Variants in ENTPD1 observed in about 807,000 individuals in gnomAD.
The protein encoded by ENTPD1 is ectonucleoside triphosphate diphosphohydrolase 1.
ENTPD1 carries 33 observed loss-of-function variants against 57.0 expected under a neutral mutation model. That is an observed-to-expected ratio of 0.58 (90% CI 0.44 to 0.77). The LOEUF is 0.77. ENTPD1 is among the 30% of genes least tolerant of loss of function. The pLI is 0.00. For synonymous variants in ENTPD1, 202 were observed against 218.8 expected (o/e 0.92, Z 0.68); for missense variants, 501 against 603.4 (o/e 0.83, Z 1.78).
chr10:95,845,661 G>A, intron 6 of ENTPD1, 65 bp downstream of exon 6: 1 of 1,613,834 alleles, frequency 6.2e-7, no homozygotes, highest in East Asian at 2.2e-5. Context: ...ACATCCTGTT[G>A]TTTTCTGTTT....
intron 1 of ENTPD1, among the ~76,000 whole-genome samples, chr10:95,813,919 C>G (rs2098319582): frequency 1.3e-5 from 2 of 152,184 alleles, no homozygotes; most frequent in South Asian, 4.1e-4. Flanking sequence ...ACTAGAGATG[C>G]ATGGCCAATA....
At chr10:95,784,812 C>G (rs1415751862) in intron 1 of ENTPD1, among the ~76,000 whole-genome samples, 1 of 152,122 alleles carries the variant, frequency 6.6e-6, no homozygotes, top group African/African-American at 2.4e-5. Context: ...TACAAAGCTT[C>G]AAGTCTCTCA....
exon 1 of ENTPD1, chr10:95,711,939 GTTC>G (rs1453343077): frequency 1.9e-6 from 3 of 1,612,806 alleles, no homozygotes; most frequent in South Asian, 1.1e-5. Flanking sequence ...AAGCTGCTCT[GTTC>G]TTCTGGAAGC....
chr10:95,719,765 C>G (rs1307533709), intron 1 of ENTPD1, among the ~76,000 whole-genome samples: 1 of 152,190 alleles, frequency 6.6e-6, no homozygotes, highest in Non-Finnish European at 1.5e-5. Flanking sequence ...AAGTCTTGGG[C>G]TAATGCTTGG....
chr10:95,858,987 T>C (rs2098460547), intron 7 of ENTPD1, among the ~76,000 whole-genome samples: 1 of 152,148 alleles, frequency 6.6e-6, no homozygotes, highest in African/African-American at 2.4e-5. Context: ...TGTGTTTGTA[T>C]ATGATTATAG....
At chr10:95,792,974 G>T (rs1467857023) in intron 1 of ENTPD1, among the ~76,000 whole-genome samples, 2 of 152,158 alleles carry the variant, frequency 1.3e-5, no homozygotes, top group Non-Finnish European at 2.9e-5. Context: ...CCAGCATCTT[G>T]CCAGGGTGCT....
At chr10:95,782,166 T>G (rs922010138) in intron 1 of ENTPD1, among the ~76,000 whole-genome samples, 1 of 152,226 alleles carries the variant, frequency 6.6e-6, no homozygotes, top group African/African-American at 2.4e-5. Context: ...CCAGGCTCTG[T>G]GTTAAGTGCT....
At chr10:95,825,550 T>C (rs1293853850) in intron 2 of ENTPD1, among the ~76,000 whole-genome samples, 1 of 152,066 alleles carries the variant, frequency 6.6e-6, no homozygotes, top group Non-Finnish European at 1.5e-5. Flanking sequence ...TGTTTGTTTG[T>C]TTGTTTTTTG....
intron 1 of ENTPD1, among the ~76,000 whole-genome samples, chr10:95,773,502 C>CT (rs1419018185): frequency 6.6e-6 from 1 of 151,940 alleles, no homozygotes; most frequent in Non-Finnish European, 1.5e-5. Flanking sequence ...GTCATCCAGC[C>CT]TTTTTTGTTC....
In ENTPD1 at chr10:95,860,498, G is replaced by A. The variant is rs1590196385; in HGVS notation, c.1104G>A (p.Lys368=). ...GAFSAFYFVM[K]FLNLTSEKVS... is the part of the protein sequence containing the mutation. ...TTTCAGCTTTTTACTTTGTGATGAA[G>A]TTTTTAAACTTGACATCAGAGAAAG... The change falls in exon 8 of 10, where the codon AAG becomes AAA. Residue 368 remains lysine (K), a synonymous_variant. Transcript: ENST00000371205. 1 of 1,613,824 alleles carries A rather than the reference G, an allele frequency of 6.2e-7. No individual in the cohort carries two copies. Among genetic ancestry groups the A allele is most frequent in the Non-Finnish European group, 8.5e-7 (1 of 1,179,816 alleles).
intron 7 of ENTPD1, among the ~76,000 whole-genome samples, chr10:95,849,010 G>A (rs1164697061): frequency 6.6e-6 from 1 of 152,158 alleles, no homozygotes; most frequent in African/African-American, 2.4e-5. Context: ...TGACACAGCT[G>A]AGGGTTTTCC....
At chr10:95,811,158 A>G (rs1014865320) in intron 1 of ENTPD1, among the ~76,000 whole-genome samples, 2 of 152,206 alleles carry the variant, frequency 1.3e-5, no homozygotes, top group African/African-American at 4.8e-5. Flanking sequence ...AGAGATGTCA[A>G]ATTTCCCTCA....
chr10:95,710,794 G>T (rs2097964937), upstream of ENTPD1, among the ~76,000 whole-genome samples: 1 of 152,066 alleles, frequency 6.6e-6, no homozygotes, highest in Non-Finnish European at 1.5e-5. Context: ...TTTTGAATCT[G>T]TGTAATTTTG....
chr10:95,709,452 C>T (rs1347503148), upstream of ENTPD1, among the ~76,000 whole-genome samples: 1 of 151,982 alleles, frequency 6.6e-6, no homozygotes. Context: ...GGCCTGGTCT[C>T]GGCTCACTGC....
At chr10:95,790,595 A>G (rs1024024918) in intron 1 of ENTPD1, among the ~76,000 whole-genome samples, 11 of 152,202 alleles carry the variant, frequency 7.2e-5, no homozygotes, top group Admixed American at 2.6e-4. Flanking sequence ...CAAACTATCA[A>G]TATTCTGAGT....
At chr10:95,766,280 A>G (rs2098087948) in intron 1 of ENTPD1, among the ~76,000 whole-genome samples, 1 of 152,182 alleles carries the variant, frequency 6.6e-6, no homozygotes, top group Non-Finnish European at 1.5e-5. Flanking sequence ...TTATATAACC[A>G]CAGTACAGTA....
At chr10:95,770,886 A>G (rs890496260) in intron 1 of ENTPD1, among the ~76,000 whole-genome samples, 25 of 152,350 alleles carry the variant, frequency 1.6e-4, no homozygotes, top group African/African-American at 6.0e-4. Context: ...TTAAAATGAA[A>G]TCAATTGCAT....
intron 1 of ENTPD1, among the ~76,000 whole-genome samples, chr10:95,809,828 G>A (rs1245073929): frequency 8.0e-5 from 12 of 149,278 alleles, no homozygotes; most frequent in Non-Finnish European, 1.3e-4. Flanking sequence ...CTTCCCAGAC[G>A]GGGCAGCGGC....
At position 95,872,469 on chromosome 10, in the gene ENTPD1, C is replaced by T. The variant is rs2098481552; in HGVS notation, c.*6086C>T. 1.0e-6 allele frequency: 1 copy of T among 985,090 alleles called. No homozygotes were observed. The highest frequency in any genetic ancestry group is 1.2e-6 in the Non-Finnish European group (1 of 829,624). The allele number at this position is 985,090 out of a possible 1,614,324, so 61.0% of individuals were successfully genotyped here. On this transcript the variant is annotated 3_prime_UTR_variant, in exon 10 of 10. Transcript: ENST00000371205. Reference sequence around the variant, plus strand: ...CTTCTCAACTTGGAATACTCTTGCACCTTCAAAGCTCATTTCAAATGCCCC... The same window carrying T: ...CTTCTCAACTTGGAATACTCTTGCATCTTCAAAGCTCATTTCAAATGCCCC...
Sources: allele counts gnomAD v4.1 joint callset (sites outside exome capture counted in the v4.1 genomes callset), GRCh38; gene constraint gnomAD v4.1.1; transcripts MANE v1.5; gene names NCBI Gene and HGNC (gene_info 2026-07-23, HGNC 2026-07-21).